GPM6A: variants seen among roughly 807,000 people sequenced by gnomAD.
GPM6A encodes neuronal membrane glycoprotein M6-a.
In GPM6A, 7 loss-of-function variants were observed where a neutral mutation model predicts 32.1. The observed-to-expected ratio is 0.22, with a 90% CI of 0.12 to 0.41. The LOEUF is 0.41. Among genes scored for constraint, GPM6A ranks in the 10% least tolerant of loss-of-function variants. The pLI is 1.00. For synonymous variants in GPM6A, 130 were observed against 123.4 expected (o/e 1.05, Z -0.35); for missense variants, 235 against 347.2 (o/e 0.68, Z 2.57).
intron 6 of GPM6A, among the ~76,000 whole-genome samples, chr4:175,639,499 A>C (rs1741011338): frequency 6.6e-6 from 1 of 152,162 alleles, no homozygotes; most frequent in African/African-American, 2.4e-5. Context: ...AAAAGCTATT[A>C]CTGACACTCA....
intron 1 of GPM6A, among the ~76,000 whole-genome samples, chr4:175,894,474 C>A (rs1560983336): frequency 6.6e-6 from 1 of 152,130 alleles, no homozygotes; most frequent in Non-Finnish European, 1.5e-5. Flanking sequence ...GAGGAAATAG[C>A]TGCTCCATTC....
At chr4:175,687,067 A>G (rs1744021051) in intron 2 of GPM6A, among the ~76,000 whole-genome samples, 1 of 152,250 alleles carries the variant, frequency 6.6e-6, no homozygotes, top group African/African-American at 2.4e-5. Flanking sequence ...CTTCTCTACC[A>G]GACTTCAGAA....
intron 2 of GPM6A, among the ~76,000 whole-genome samples, chr4:175,693,649 CT>C (rs1255578030): frequency 6.6e-6 from 1 of 152,072 alleles, no homozygotes; most frequent in Non-Finnish European, 1.5e-5. Flanking sequence ...AATACTTCGG[CT>C]TAAGTCTCTT....
intron 1 of GPM6A, among the ~76,000 whole-genome samples, chr4:175,893,608 C>T (rs1248130572): frequency 6.6e-6 from 1 of 152,094 alleles, no homozygotes; most frequent in Non-Finnish European, 1.5e-5. Context: ...CTTTCCTCGG[C>T]CAGTTTTTCT....
At chr4:175,879,548 C>G (rs1450086705) in intron 1 of GPM6A, among the ~76,000 whole-genome samples, 2 of 152,116 alleles carry the variant, frequency 1.3e-5, no homozygotes, top group Non-Finnish European at 2.9e-5. Context: ...CTCATGAGAA[C>G]TCATTCACTA....
intron 2 of GPM6A, among the ~76,000 whole-genome samples, chr4:175,694,901 A>T (rs900045502): frequency 6.6e-6 from 1 of 152,194 alleles, no homozygotes; most frequent in African/African-American, 2.4e-5. Context: ...GCCTGGCCTG[A>T]GGTCCATGCT....
intron 1 of GPM6A, among the ~76,000 whole-genome samples, chr4:175,855,766 T>G (rs896641012): frequency 6.6e-6 from 1 of 152,214 alleles, no homozygotes; most frequent in Non-Finnish European, 1.5e-5. Flanking sequence ...GTTGAAGATT[T>G]AAGAACTTAT....
chr4:175,939,317 T>C (rs1356319729), intron 1 of GPM6A, among the ~76,000 whole-genome samples: 1 of 152,196 alleles, frequency 6.6e-6, no homozygotes, highest in African/African-American at 2.4e-5. Flanking sequence ...AATCTTTGTC[T>C]ACAGTTTCAT....
chr4:175,787,123 C>T (rs1341549660), intron 1 of GPM6A, among the ~76,000 whole-genome samples: 1 of 151,634 alleles, frequency 6.6e-6, no homozygotes, highest in Non-Finnish European at 1.5e-5. Flanking sequence ...GTTTTTTACC[C>T]TTGATACATA....
At chr4:175,932,135 A>G (rs72704544) in intron 1 of GPM6A, among the ~76,000 whole-genome samples, 28,105 of 151,592 alleles carry the variant, frequency 0.19, 2,757 homozygotes, top group Non-Finnish European at 0.21. Context: ...GAAAGAAAAA[A>G]GTGCTAGGAA....
At chr4:175,759,221 G>A (rs1186119848) in intron 1 of GPM6A, among the ~76,000 whole-genome samples, 1 of 152,006 alleles carries the variant, frequency 6.6e-6, no homozygotes, top group Non-Finnish European at 1.5e-5. Flanking sequence ...TTTTTCATAA[G>A]TGGTTATCTG....
intron 1 of GPM6A, among the ~76,000 whole-genome samples, chr4:175,737,209 C>A (rs983339001): frequency 1.3e-5 from 2 of 152,162 alleles, no homozygotes; most frequent in African/African-American, 2.4e-5. Context: ...GTCCATTTAG[C>A]ATTGCTATAA....
intron 1 of GPM6A, among the ~76,000 whole-genome samples, chr4:175,826,268 C>T (rs780000262): frequency 5.3e-5 from 8 of 151,974 alleles, no homozygotes; most frequent in Non-Finnish European, 1.2e-4. Context: ...TTACCTAATG[C>T]AGAAATTAAT....
At chr4:175,881,651 A>G in intron 1 of GPM6A, among the ~76,000 whole-genome samples, 1 of 152,218 alleles carries the variant, frequency 6.6e-6, no homozygotes. Context: ...ACACCATGGA[A>G]TACTATGCAG....
chr4:175,804,521 A>G (rs28525360), intron 1 of GPM6A, among the ~76,000 whole-genome samples: 5,974 of 152,286 alleles, frequency 0.039, 382 homozygotes, highest in African/African-American at 0.14. Flanking sequence ...GTCAAAGAAC[A>G]TTTGATATTT....
intron 4 of GPM6A, among the ~76,000 whole-genome samples, chr4:175,651,169 G>A (rs1011986737): frequency 6.6e-6 from 1 of 152,084 alleles, no homozygotes; most frequent in African/African-American, 2.4e-5. Flanking sequence ...CTGTGCCTCA[G>A]TTTTGTCATC....
At chr4:175,749,142 G>C (rs1732219701) in intron 1 of GPM6A, among the ~76,000 whole-genome samples, 1 of 152,024 alleles carries the variant, frequency 6.6e-6, no homozygotes, top group South Asian at 2.1e-4. Flanking sequence ...TATGAGTATA[G>C]TTTATGGCAC....
intron 1 of GPM6A, among the ~76,000 whole-genome samples, chr4:175,901,703 T>C (rs926105171): frequency 2.0e-5 from 3 of 149,054 alleles, no homozygotes; most frequent in African/African-American, 7.4e-5. Context: ...AGTGGTGTAA[T>C]GCAACCTCCG....
chr4:175,736,137 A>G (rs1464059377), intron 1 of GPM6A, among the ~76,000 whole-genome samples: 1 of 152,102 alleles, frequency 6.6e-6, no homozygotes, highest in East Asian at 1.9e-4. Flanking sequence ...GGGATCCTCC[A>G]ACCTCAGCCT....
Sources: gnomAD v4.1 joint callset for allele counts (sites outside exome capture counted in the v4.1 genomes callset) on GRCh38, gnomAD v4.1.1 for gene constraint, MANE v1.5 for transcripts, NCBI Gene and HGNC (gene_info 2026-07-23, HGNC 2026-07-21) for gene names.